Variants in SUFU observed in about 807,000 individuals in gnomAD.
SUFU encodes the protein SUFU negative regulator of hedgehog signaling, also known as suppressor of fused homolog.
In SUFU, 7 loss-of-function variants were observed where a neutral mutation model predicts 58.9. That is an observed-to-expected ratio of 0.12 (90% CI 0.07 to 0.22). SUFU has a LOEUF of 0.22. Ranked by LOEUF, SUFU falls within the 10% of genes least tolerant of loss-of-function variation. SUFU has a pLI of 1.00. For missense variants in SUFU, 451 were observed against 641.3 expected, an observed-to-expected ratio of 0.70 and a Z score of 3.20; for synonymous variants, 232 against 254.8, an observed-to-expected ratio of 0.91 and a Z score of 0.85.
intron 3 of SUFU, among the ~76,000 whole-genome samples, chr10:102,572,237 T>C (rs2063169406): frequency 6.6e-6 from 1 of 150,788 alleles, no homozygotes; most frequent in Admixed American, 6.6e-5. Context: ...GGATAATTTT[T>C]TTTTTTTTTT....
chr10:102,608,117 G>A (rs2063580941), intron 8 of SUFU, among the ~76,000 whole-genome samples: 1 of 151,796 alleles, frequency 6.6e-6, no homozygotes, highest in South Asian at 2.1e-4. Flanking sequence ...CCAGCTCTTC[G>A]GGAGGCTGAG....
At position 102,597,276 on chromosome 10, in the gene SUFU, G is replaced by A. The variant is rs1197687313; in HGVS notation, c.893G>A (p.Arg298Gln). Reference protein sequence around the residue: ...SRSICIGTQPRRLSGKDTEQI... With the variant: ...SRSICIGTQPQRLSGKDTEQI... ...AGCATCTGCATCGGCACACAGCCCCGGCGACTCTCTGGCAAAGGTGGGAGC... is the reference window on the plus strand; with the variant it reads ...AGCATCTGCATCGGCACACAGCCCCAGCGACTCTCTGGCAAAGGTGGGAGC... The change falls in exon 7 of 12, where the codon CGG becomes CAG. Residue 298 changes from arginine to glutamine, a missense_variant. Coordinates refer to ENST00000369902, the MANE Select transcript of SUFU (RefSeq NM_016169.4). 5 of 1,613,472 alleles carry A rather than the reference G, an allele frequency of 3.1e-6. No individual in the cohort carries two copies. The highest frequency in any genetic ancestry group is 1.7e-5 in the Admixed American group (1 of 60,012).
intron 1 of SUFU, among the ~76,000 whole-genome samples, chr10:102,507,503 T>C (rs1291053434): frequency 2.0e-5 from 3 of 152,266 alleles, no homozygotes; most frequent in Non-Finnish European, 2.9e-5. Context: ...AAGTGATTTG[T>C]TGAAATCAGT....
At chr10:102,545,623 T>C (rs1415946529) in intron 2 of SUFU, among the ~76,000 whole-genome samples, 1 of 152,346 alleles carries the variant, frequency 6.6e-6, no homozygotes, top group East Asian at 1.9e-4. Context: ...CTCTTAGTTA[T>C]GATAGAGGGT....
chr10:102,546,275 G>T (rs2062853734), intron 2 of SUFU, among the ~76,000 whole-genome samples: 1 of 152,108 alleles, frequency 6.6e-6, no homozygotes, highest in African/African-American at 2.4e-5. Context: ...AAACAATCTT[G>T]AGAGTCTTAT....
rs12220547 is a variant in SUFU, at chr10:102,590,148, T to C, written c.455-2434T>C. ...CCTCCCCCCCGACTTTTTCTTTTTTTTTTTCTTTTTTCTTTTTTTTTTTTT... is the reference window on the plus strand; with the variant it reads ...CCTCCCCCCCGACTTTTTCTTTTTTCTTTTCTTTTTTCTTTTTTTTTTTTT... On this transcript the variant is annotated intron_variant, in intron 3 of 11. Transcript: ENST00000369902. 1.5e-3 allele frequency among the ~76,000 whole-genome samples: 175 copies of C among 113,488 alleles called. 1 individual carries two copies. Among genetic ancestry groups the C allele is most frequent in the African/African-American group, 5.8e-3 (169 of 29,026 alleles). The allele number at this position is 113,488 out of a possible 152,430, so 74.5% of individuals were successfully genotyped here.
intron 2 of SUFU, among the ~76,000 whole-genome samples, chr10:102,538,631 G>GCA (rs369121547): frequency 2.0e-5 from 3 of 151,702 alleles, no homozygotes; most frequent in Non-Finnish European, 2.9e-5. Context: ...ACGCATGCAT[G>GCA]CACACACACA....
intron 3 of SUFU, among the ~76,000 whole-genome samples, chr10:102,570,078 C>T (rs2063144504): frequency 6.6e-6 from 1 of 152,054 alleles, no homozygotes; most frequent in Non-Finnish European, 1.5e-5. Flanking sequence ...GAAGAATTTC[C>T]AAATGTGGAT....
In SUFU at chr10:102,599,511, A is replaced by G. The variant is rs1060501107; in HGVS notation, c.989A>G (p.Gln330Arg). 1.9e-6 allele frequency: 3 copies of G among 1,614,172 alleles called. No individual in the cohort carries two copies. The highest frequency in any genetic ancestry group is 1.7e-6 in the Non-Finnish European group (2 of 1,180,030). The stretch of plus-strand genomic sequence containing the variant: ...CCTGTCCTTCCACCAATCAACCCTC[A>G]GCGGCAGAATGGCCTCGCCCACGAC... Reference protein sequence around the residue: ...SKPVLPPINPQRQNGLAHDRA... With the variant: ...SKPVLPPINPRRQNGLAHDRA... The change falls in exon 8 of 12, where the codon CAG becomes CGG. Residue 330 changes from glutamine to arginine, a missense_variant. Gln to Arg is a conservative substitution (Grantham distance 43). Coordinates refer to ENST00000369902, the MANE Select transcript of SUFU (RefSeq NM_016169.4).
At chr10:102,616,767 C>A (rs1458426068) in intron 9 of SUFU, among the ~76,000 whole-genome samples, 1 of 152,114 alleles carries the variant, frequency 6.6e-6, no homozygotes, top group Non-Finnish European at 1.5e-5. Flanking sequence ...TGTGCTGTGG[C>A]CTTTGGGCCA....
intron 2 of SUFU, among the ~76,000 whole-genome samples, chr10:102,532,604 C>T (rs1033526638): frequency 2.0e-5 from 3 of 152,242 alleles, no homozygotes; most frequent in Admixed American, 2.0e-4. Context: ...AGGGATCTGT[C>T]TTGCACAGTG....
chr10:102,545,294 T>A (rs925255303), intron 2 of SUFU, among the ~76,000 whole-genome samples: 2 of 26,734 alleles, frequency 7.5e-5, no homozygotes, highest in East Asian at 4.6e-4. Context: ...AATTTTTGTA[T>A]TTTTTTTTTT....
At chr10:102,567,154 G>A (rs1487030645) in intron 3 of SUFU, among the ~76,000 whole-genome samples, 1 of 150,192 alleles carries the variant, frequency 6.7e-6, no homozygotes, top group Non-Finnish European at 1.5e-5. Flanking sequence ...TGGAATTACA[G>A]GTGCCCACCA....
chr10:102,508,277 A>C (rs992491504), intron 1 of SUFU, among the ~76,000 whole-genome samples: 18 of 152,104 alleles, frequency 1.2e-4, no homozygotes, highest in African/African-American at 4.3e-4. Flanking sequence ...CCCGGCCAAA[A>C]CAGGATTTTT....
chr10:102,595,501 G>A (rs574470369), intron 6 of SUFU, among the ~76,000 whole-genome samples: 7 of 152,336 alleles, frequency 4.6e-5, no homozygotes, highest in African/African-American at 7.2e-5. Flanking sequence ...ACTGTGGGCC[G>A]TTGTTTGGCC....
chr10:102,536,652 A>G (rs1395576996), intron 2 of SUFU, among the ~76,000 whole-genome samples: 4 of 151,928 alleles, frequency 2.6e-5, no homozygotes, highest in South Asian at 2.1e-4. Context: ...GTGAGCCACC[A>G]TGCCTGGCCT....
In SUFU at chr10:102,516,125, C is replaced by CTTTTTTTT. The variant is rs60544094; in HGVS notation, c.317+6833_317+6840dup. 6.1e-3 allele frequency among the ~76,000 whole-genome samples: 767 copies of CTTTTTTTT among 124,964 alleles called. 2 individuals carry two copies. The highest frequency in any genetic ancestry group is 9.5e-3 in the Non-Finnish European group (571 of 60,010). The allele number at this position is 124,964 out of a possible 152,430, so 82.0% of individuals were successfully genotyped here. A position where few individuals can be genotyped will look rare whatever the true frequency, so the allele number is the denominator to read the frequency against. On this transcript the variant is annotated intron_variant, in intron 2 of 11. Transcript: ENST00000369902. ...TCTTTTCTTTTTCTTTCTTTCTTTTCTTTTTTTTTTTTTTTTTTGAGATAG... is the reference window on the plus strand; with the variant it reads ...TCTTTTCTTTTTCTTTCTTTCTTTTCTTTTTTTTTTTTTTTTTTTTTTTTTTGAGATAG...
chr10:102,618,931 C>CGTGCGTGTGTGTGT, intron 10 of SUFU: 1 of 573,972 alleles, frequency 1.7e-6, no homozygotes, highest in Admixed American at 2.9e-5. Context: ...CCTCAGGTAG[C>CGTGCGTGTGTGTGT]GTGTGTGTGT....
intron 2 of SUFU, among the ~76,000 whole-genome samples, chr10:102,517,614 A>G (rs1372620433): frequency 6.6e-6 from 1 of 151,900 alleles, no homozygotes. Context: ...AGGGGTCCCA[A>G]CTCTGGCCTT....
Sources: gnomAD v4.1 joint callset for allele counts (sites outside exome capture counted in the v4.1 genomes callset) on GRCh38, gnomAD v4.1.1 for gene constraint, MANE v1.5 for transcripts, NCBI Gene and HGNC (gene_info 2026-07-23, HGNC 2026-07-21) for gene names.